GLYATL3: variants seen among roughly 807,000 people sequenced by gnomAD.
GLYATL3 encodes glycine N-acyltransferase-like protein 3.
In GLYATL3, 31 loss-of-function variants were observed where a neutral mutation model predicts 28.5. The ratio of observed to expected loss-of-function variants is 1.09; its 90% CI spans 0.82 to 1.47. The LOEUF (loss-of-function observed/expected upper bound fraction) is 1.47. GLYATL3 is among the 40% of genes most tolerant of loss of function. The probability of loss-of-function intolerance (pLI) is 0.00; values close to 1 mark genes in which losing one functional copy is unlikely to be tolerated. For synonymous variants in GLYATL3, 141 were observed against 140.2 expected (o/e 1.01, Z -0.04); for missense variants, 369 against 351.5 (o/e 1.05, Z -0.40).
intron 1 of GLYATL3, among the ~76,000 whole-genome samples, chr6:49,510,683 T>C (rs1769106332): frequency 6.6e-6 from 1 of 152,238 alleles, no homozygotes; most frequent in Admixed American, 6.5e-5. Flanking sequence ...ACTTCTTTCT[T>C]TGCCATCCTG....
intron 5 of GLYATL3, 139 bp from the exon 6 acceptor site, chr6:49,526,349 G>T (rs1345331373): frequency 6.0e-6 from 4 of 664,954 alleles, no homozygotes; most frequent in African/African-American, 5.5e-5. Flanking sequence ...GGAGGCAGAG[G>T]TTGCAGTGAG....
At chr6:49,510,351 T>C (rs1349696299) in intron 1 of GLYATL3, among the ~76,000 whole-genome samples, 1 of 152,114 alleles carries the variant, frequency 6.6e-6, no homozygotes, top group East Asian at 1.9e-4. Flanking sequence ...CTAAGTATTT[T>C]CATAAATGGC....
intron 4 of GLYATL3, 141 bp downstream of exon 4, chr6:49,517,697 A>T (rs1389352612): frequency 5.7e-6 from 3 of 529,704 alleles, no homozygotes; most frequent in Non-Finnish European, 9.3e-6. Context: ...ATACACATAC[A>T]TTTTATGCAT....
intron 4 of GLYATL3, 103 bp from the exon 5 acceptor site, chr6:49,521,542 T>C (rs1054618765): frequency 2.2e-6 from 2 of 910,368 alleles, no homozygotes; most frequent in African/African-American, 3.3e-5. Flanking sequence ...GGTGGCAAAC[T>C]GCTAGTATTG....
chr6:49,511,655 C>T (rs922419294), intron 1 of GLYATL3, among the ~76,000 whole-genome samples: 8 of 152,166 alleles, frequency 5.3e-5, no homozygotes, highest in African/African-American at 1.9e-4. Context: ...TCAAATAAAA[C>T]ACAAATAAAT....
intron 4 of GLYATL3, among the ~76,000 whole-genome samples, 161 bp downstream of exon 4, chr6:49,517,717 C>G: frequency 6.6e-6 from 1 of 152,036 alleles, no homozygotes; most frequent in East Asian, 1.9e-4. Context: ...TTTACCATTT[C>G]TATATTCTAG....
Position 49,515,746 on chromosome 6 carries a change from C to T in GLYATL3, c.172C>T (p.Arg58Ter), listed in dbSNP as rs771555069. Reference sequence around the variant, plus strand: ...GCCGGATTTCAAAGCTGTTATCACCCGACGACAAAGAGAGGTACAGTTTTG... The same window carrying T: ...GCCGGATTTCAAAGCTGTTATCACCTGACGACAAAGAGAGGTACAGTTTTG... Reference protein sequence around the residue: ...SWPDFKAVITRRQREAETDNL... With the variant: ...SWPDFKAVIT Residue 58 changes from arginine (R) to a stop codon, truncating the protein, a stop_gained, in exon 3 of 6, where the codon CGA becomes TGA. Coordinates refer to ENST00000371197, the MANE Select transcript of GLYATL3 (RefSeq NM_001010904.2). LOFTEE classifies it high-confidence loss of function. The T allele has an allele frequency of 6.5e-6, 10 of 1,542,698 alleles. No individual in the cohort carries two copies. The highest frequency in any genetic ancestry group is 3.9e-5 in the Admixed American group (2 of 50,884).
At chr6:49,506,930 C>T (rs1157197983) in intron 1 of GLYATL3, among the ~76,000 whole-genome samples, 6 of 151,958 alleles carry the variant, frequency 3.9e-5, no homozygotes, top group Non-Finnish European at 7.4e-5. Flanking sequence ...TTGAAAGAAA[C>T]AGTAGGCTTA....
chr6:49,524,079 G>A (rs1220839810), intron 5 of GLYATL3, among the ~76,000 whole-genome samples: 1 of 151,048 alleles, frequency 6.6e-6, no homozygotes, highest in East Asian at 1.9e-4. Flanking sequence ...TTACTCAACT[G>A]CGTGAACTCT....
At chr6:49,514,322 T>C (rs560341414) in intron 2 of GLYATL3, among the ~76,000 whole-genome samples, 1 of 152,342 alleles carries the variant, frequency 6.6e-6, no homozygotes, top group South Asian at 2.1e-4. Context: ...TTGCTCAACA[T>C]TATGTTTGTG....
Position 49,512,107 on chromosome 6 carries a change from G to A in GLYATL3, c.78+39G>A, listed in dbSNP as rs1263302035. On this transcript the variant is annotated intron_variant, in intron 2 of 5. Coordinates refer to ENST00000371197, the MANE Select transcript of GLYATL3 (RefSeq NM_001010904.2). ...AATAATTTTATTTTATTTCTTTATT[G>A]TGTTAATCTGTAAAATAATGTCAAA... The A allele has an allele frequency of 4.3e-6, 4 of 925,908 alleles. No homozygotes were observed. In the East Asian group the frequency reaches 8.0e-5, roughly 18 times the overall value. 57.4% of individuals were successfully genotyped at this position (925,908 alleles called of 1,614,324 possible).
Position 49,501,302 on chromosome 6 carries a change from C to T in GLYATL3, c.-29+1260C>T, listed in dbSNP as rs145056877. Among the ~76,000 whole-genome samples, 910 of 152,188 alleles carry T rather than the reference C, an allele frequency of 6.0e-3. 9 individuals carry two copies. The highest frequency in any genetic ancestry group is 0.02 in the African/African-American group (813 of 41,514). ...GTATCGCGGGAGCTGGCCAGCAGCC[C>T]GCAATGCAACGGGGCTCTCTCTTTG... On this transcript the variant is annotated intron_variant, in intron 1 of 5. Transcript: ENST00000371197.
At chr6:49,521,320 C>T (rs986124067) in intron 4 of GLYATL3, among the ~76,000 whole-genome samples, 2 of 152,072 alleles carry the variant, frequency 1.3e-5, no homozygotes, top group African/African-American at 2.4e-5. Flanking sequence ...TTTCGTGGAG[C>T]TTAAGGTTAG....
chr6:49,511,891 C>T (rs1581868174), intron 1 of GLYATL3, 72 bp from the exon 2 acceptor site: 1 of 566,866 alleles, frequency 1.8e-6, no homozygotes, highest in East Asian at 3.1e-5. Context: ...AATAGAATTA[C>T]AAGAAAACTC....
chr6:49,524,333 T>C (rs1769366065), intron 5 of GLYATL3, among the ~76,000 whole-genome samples: 1 of 152,096 alleles, frequency 6.6e-6, no homozygotes, highest in Non-Finnish European at 1.5e-5. Flanking sequence ...ACTACACACC[T>C]CTAATTAAAA....
At chr6:49,519,720 T>A (rs1004849810) in intron 4 of GLYATL3, among the ~76,000 whole-genome samples, 14 of 152,198 alleles carry the variant, frequency 9.2e-5, no homozygotes, top group Admixed American at 4.6e-4. Context: ...GAATGACATA[T>A]CCTGCATAGG....
At position 49,517,563 on chromosome 6, in the gene GLYATL3, T is replaced by C. The variant is rs1284985517; in HGVS notation, c.313+7T>C. The C allele has an allele frequency of 6.5e-7, 1 of 1,548,712 alleles. No individual in the cohort carries two copies. The highest frequency in any genetic ancestry group is 2.0e-5 in the Admixed American group (1 of 50,706). On this transcript the variant is annotated splice_region_variant and intron_variant, in intron 4 of 5. Coordinates refer to ENST00000371197, the MANE Select transcript of GLYATL3 (RefSeq NM_001010904.2). ...CAAGTTTTTCAAATACAAGGTGAGG[T>C]CAAGTGCAAGACTTATATTACACAG... is the stretch of plus-strand genomic sequence containing the variant.
chr6:49,515,665 G>A lies in GLYATL3; in HGVS notation c.91G>A (p.Val31Met), dbSNP rs1769201334. ...FPESLKVYGA[V>M]MNINRGNPFQ... ...TTATCTGACTCAGGTTTACGGAGCGGTGATGAACATAAATCGTGGGAACCC... is the reference window on the plus strand; with the variant it reads ...TTATCTGACTCAGGTTTACGGAGCGATGATGAACATAAATCGTGGGAACCC... The change falls in exon 3 of 6, where the codon GTG (valine) becomes ATG (methionine). Residue 31 changes from valine (V) to methionine (M), a missense_variant. By Grantham distance (21) the Val-to-Met change is conservative. Coordinates refer to ENST00000371197, the MANE Select transcript of GLYATL3 (RefSeq NM_001010904.2). 6.5e-7 allele frequency: 1 copy of A among 1,547,464 alleles called. No homozygotes were observed. Among genetic ancestry groups the A allele is most frequent in the African/African-American group, 1.4e-5 (1 of 73,060 alleles).
Position 49,526,811 on chromosome 6 carries a change from C to T in GLYATL3, c.764C>T (p.Ala255Val). ...SQGNVLDDNT[A>V]SISLLKSLHA... is the part of the protein sequence containing the mutation. ...GGGAACGTCCTGGATGACAACACGG[C>T]GTCTATAAGCCTCCTGAAGAGTCTC... is the stretch of plus-strand genomic sequence containing the variant. Residue 255 changes from alanine to valine, a missense_variant, in exon 6 of 6, where the codon GCG becomes GTG. Coordinates refer to ENST00000371197, the MANE Select transcript of GLYATL3 (RefSeq NM_001010904.2). 2 of 1,552,126 alleles carry T rather than the reference C, an allele frequency of 1.3e-6. No homozygotes were observed. The highest frequency in any genetic ancestry group is 1.2e-5 in the South Asian group (1 of 84,058).
Sources: allele counts gnomAD v4.1 joint callset (sites outside exome capture counted in the v4.1 genomes callset), GRCh38; gene constraint gnomAD v4.1.1; transcripts MANE v1.5; gene names NCBI Gene and HGNC (gene_info 2026-07-23, HGNC 2026-07-21).